SLC8A1: variants seen among roughly 807,000 people sequenced by gnomAD.
SLC8A1 encodes sodium/calcium exchanger 1.
In SLC8A1, 18 loss-of-function variants were observed where a neutral mutation model predicts 68.3. The observed-to-expected ratio is 0.26, with a 90% CI of 0.18 to 0.39. The LOEUF (loss-of-function observed/expected upper bound fraction) is 0.39. SLC8A1 is among the 10% of genes least tolerant of loss of function. The pLI is 1.00. For missense variants in SLC8A1, 985 were observed against 1,156.7 expected (o/e 0.85, Z 2.15); for synonymous variants, 475 against 415.5 (o/e 1.14, Z -1.74).
At chr2:40,230,185 C>T (rs972403002) in intron 2 of SLC8A1, among the ~76,000 whole-genome samples, 2 of 152,120 alleles carry the variant, frequency 1.3e-5, no homozygotes, top group Non-Finnish European at 1.5e-5. Context: ...AGGAAGGTCT[C>T]GCTAGTCCAG....
At chr2:40,380,708 T>A (rs1681462133) in intron 2 of SLC8A1, among the ~76,000 whole-genome samples, 1 of 152,032 alleles carries the variant, frequency 6.6e-6, no homozygotes, top group Non-Finnish European at 1.5e-5. Flanking sequence ...AAGATTAAAC[T>A]TAATAGAATT....
At position 40,174,627 on chromosome 2, in the gene SLC8A1, G is replaced by C. The variant is rs377304197; in HGVS notation, c.1930+198C>G. On this transcript the variant is annotated intron_variant, in intron 4 of 7. Coordinates refer to ENST00000406785, the Ensembl canonical transcript of SLC8A1. ...GTGCCACAGTTAAATATTAATGCAA[G>C]TTACATAAGATGTAGGTTTGGATTG... 1,997 of 1,274,882 alleles carry C rather than the reference G, an allele frequency of 1.6e-3. 6 individuals are homozygous for C. The highest frequency in any genetic ancestry group is 1.9e-3 in the Non-Finnish European group (1,712 of 906,220). The allele number at this position is 1,274,882 out of a possible 1,614,324, so 79.0% of individuals were successfully genotyped here.
chr2:40,310,866 T>C (rs1470859631), intron 2 of SLC8A1, among the ~76,000 whole-genome samples: 3 of 152,252 alleles, frequency 2.0e-5, no homozygotes, highest in Admixed American at 6.6e-5. Context: ...CACATACCCT[T>C]ATACTATGTG....
intron 2 of SLC8A1, among the ~76,000 whole-genome samples, chr2:40,290,557 A>G (rs2069125438): frequency 6.6e-6 from 1 of 152,162 alleles, no homozygotes; most frequent in Non-Finnish European, 1.5e-5. Context: ...TGCCTGGTTA[A>G]CTATCCATAA....
At chr2:40,167,054 T>G (rs1333947003) in intron 4 of SLC8A1, among the ~76,000 whole-genome samples, 1 of 152,226 alleles carries the variant, frequency 6.6e-6, no homozygotes, top group Non-Finnish European at 1.5e-5. Flanking sequence ...TGTGGTAGCA[T>G]TGTTAAGTGC....
At chr2:40,388,139 C>G (rs764968202) in intron 2 of SLC8A1, among the ~76,000 whole-genome samples, 1 of 152,048 alleles carries the variant, frequency 6.6e-6, no homozygotes, top group Non-Finnish European at 1.5e-5. Flanking sequence ...GTTTATGCCA[C>G]TGATGAGTAG....
intron 7 of SLC8A1, among the ~76,000 whole-genome samples, chr2:40,137,128 T>C (rs1282336242): frequency 6.6e-6 from 1 of 152,194 alleles, no homozygotes; most frequent in African/African-American, 2.4e-5. Context: ...TTTGCTGTAA[T>C]CCATAATTCA....
rs561246157 is a variant in SLC8A1, at chr2:40,123,822, T to A, written c.2438-8193A>T. On this transcript the variant is annotated intron_variant, in intron 7 of 7. Coordinates refer to ENST00000406785, the Ensembl canonical transcript of SLC8A1. The stretch of plus-strand genomic sequence containing the variant: ...TAAAAACAAATAGCTGAATTAATTG[T>A]CATTTTCCCAAGCCAGATGGTTTGT... Among the ~76,000 whole-genome samples the A allele has an allele frequency of 2.0e-5, 3 of 152,352 alleles. No individual in the cohort carries two copies. In the South Asian group the frequency reaches 6.2e-4, roughly 32 times the overall value.
chr2:40,380,094 G>C (rs547931521), intron 2 of SLC8A1, among the ~76,000 whole-genome samples: 1 of 152,140 alleles, frequency 6.6e-6, no homozygotes. Flanking sequence ...CATTTAGCTT[G>C]ATCAGTGCTT....
rs1195375570 is a variant in SLC8A1 at position 40,385,243 on chromosome 2, G to A, written c.1808+43230C>T. On this transcript the variant is annotated intron_variant, in intron 2 of 7. Coordinates refer to ENST00000406785, the Ensembl canonical transcript of SLC8A1. ...ATAGGAATAATCCTAGTCTCGAGGA[G>A]GAAACTCCTTTTTTCTAATCAAGTT... Among the ~76,000 whole-genome samples, 5 of 151,960 alleles carry A rather than the reference G, an allele frequency of 3.3e-5. No homozygotes were observed. The South Asian group carries it at 1.0e-3, about 31-fold the overall frequency.
chr2:40,205,106 T>C (rs903165699), intron 2 of SLC8A1, among the ~76,000 whole-genome samples: 2 of 152,022 alleles, frequency 1.3e-5, no homozygotes, highest in Non-Finnish European at 2.9e-5. Flanking sequence ...TTATTTCCTT[T>C]TAAGAAAAAC....
At chr2:40,445,685 T>C (rs1701308018) in intron 1 of SLC8A1, among the ~76,000 whole-genome samples, 1 of 152,178 alleles carries the variant, frequency 6.6e-6, no homozygotes. Flanking sequence ...TAAAAAGAAC[T>C]TCTGACAGCT....
At chr2:40,196,146 A>G (rs1182807918) in intron 2 of SLC8A1, among the ~76,000 whole-genome samples, 1 of 151,996 alleles carries the variant, frequency 6.6e-6, no homozygotes, top group African/African-American at 2.4e-5. Context: ...GCTATTAAAA[A>G]TAAAACCAAA....
At chr2:40,406,616 G>C (rs1322081336) in intron 2 of SLC8A1, among the ~76,000 whole-genome samples, 1 of 152,102 alleles carries the variant, frequency 6.6e-6, no homozygotes, top group Non-Finnish European at 1.5e-5. Context: ...ATCTTCCCAG[G>C]TGGACTGATA....
At chr2:40,375,831 T>A (rs79713120) in intron 2 of SLC8A1, among the ~76,000 whole-genome samples, 56 of 152,118 alleles carry the variant, frequency 3.7e-4, no homozygotes, top group African/African-American at 1.3e-3. Context: ...AGGGAAACCC[T>A]GCCTCTATAA....
chr2:40,241,371 A>G (rs1036111728), intron 2 of SLC8A1, among the ~76,000 whole-genome samples: 3 of 152,026 alleles, frequency 2.0e-5, no homozygotes, highest in African/African-American at 7.3e-5. Flanking sequence ...TGGGTTGAAA[A>G]ACTACTTTAT....
At chr2:40,240,876 C>G (rs1375806162) in intron 2 of SLC8A1, among the ~76,000 whole-genome samples, 1 of 151,852 alleles carries the variant, frequency 6.6e-6, no homozygotes, top group Non-Finnish European at 1.5e-5. Flanking sequence ...GATACCCCGA[C>G]TCAAAAAAAA....
At chr2:40,139,533 T>A in exon 7 of SLC8A1, 1 of 1,614,054 alleles carries the variant, frequency 6.2e-7, no homozygotes, top group Non-Finnish European at 8.5e-7. Flanking sequence ...ATGGAGACAA[T>A]GAAACACGCC....
chr2:40,290,672 G>A (rs1444301731), intron 2 of SLC8A1, among the ~76,000 whole-genome samples: 2 of 152,080 alleles, frequency 1.3e-5, no homozygotes, highest in Non-Finnish European at 2.9e-5. Flanking sequence ...TATTTTATTT[G>A]CCAGAGGTAA....
Sources: allele counts gnomAD v4.1 joint callset (sites outside exome capture counted in the v4.1 genomes callset), GRCh38; gene constraint gnomAD v4.1.1; transcripts MANE v1.5; gene names NCBI Gene and HGNC (gene_info 2026-07-23, HGNC 2026-07-21).